Variants in ERCC6L2 observed in about 807,000 individuals in gnomAD.
The protein encoded by ERCC6L2 is DNA excision repair protein ERCC-6-like 2.
ERCC6L2 carries 77 observed loss-of-function variants against 132.0 expected under a neutral mutation model. The ratio of observed to expected loss-of-function variants is 0.58; its 90% confidence interval spans 0.49 to 0.71. ERCC6L2 has a LOEUF of 0.71. Ranked by LOEUF, ERCC6L2 falls within the 30% of genes least tolerant of loss-of-function variation. The probability of loss-of-function intolerance (pLI) is 0.00; values close to 1 mark genes in which losing one functional copy is unlikely to be tolerated. For synonymous variants in ERCC6L2, 583 were observed against 632.4 expected, an observed-to-expected ratio of 0.92 and a Z score of 1.17; for missense variants, 1,542 against 1,837.6, an observed-to-expected ratio of 0.84 and a Z score of 2.94.
chr9:95,931,794 C>T (rs7024395), intron 11 of ERCC6L2, among the ~76,000 whole-genome samples: 6,547 of 147,674 alleles, frequency 0.044, 488 homozygotes, highest in African/African-American at 0.16. Flanking sequence ...TGTGGATCTT[C>T]GTTCATTTTT....
At chr9:95,891,079 G>T (rs1828136198) in intron 2 of ERCC6L2, among the ~76,000 whole-genome samples, 1 of 152,144 alleles carries the variant, frequency 6.6e-6, no homozygotes, top group Admixed American at 6.5e-5. Flanking sequence ...GGGCATGGTG[G>T]CGCATGCCTG....
intron 17 of ERCC6L2, among the ~76,000 whole-genome samples, chr9:95,990,199 G>A (rs1833241985): frequency 6.6e-6 from 1 of 152,220 alleles, no homozygotes; most frequent in Non-Finnish European, 1.5e-5. Context: ...GCAGGTTGAT[G>A]TAATGATTAT....
chr9:95,958,355 C>T (rs1293385347), intron 13 of ERCC6L2, among the ~76,000 whole-genome samples: 2 of 152,056 alleles, frequency 1.3e-5, no homozygotes, highest in African/African-American at 2.4e-5. Flanking sequence ...ATTCATAGTC[C>T]TTTGGGTATA....
intron 12 of ERCC6L2, among the ~76,000 whole-genome samples, chr9:95,945,471 G>T (rs1454354568): frequency 6.6e-6 from 1 of 152,168 alleles, no homozygotes; most frequent in Non-Finnish European, 1.5e-5. Flanking sequence ...ATCCTCCTCA[G>T]CTTATGAAGA....
intron 17 of ERCC6L2, among the ~76,000 whole-genome samples, chr9:96,003,145 A>G (rs1376983760): frequency 6.6e-6 from 1 of 152,164 alleles, no homozygotes; most frequent in Non-Finnish European, 1.5e-5. Context: ...TTGCTTTATT[A>G]TAGGTAATTC....
At chr9:95,876,125 A>G in intron 1 of ERCC6L2, 41 bp downstream of exon 1, 1 of 1,529,094 alleles carries the variant, frequency 6.5e-7, no homozygotes, top group Non-Finnish European at 8.9e-7. Context: ...AGGCCTGTGT[A>G]CTGCGTCGCG....
intron 13 of ERCC6L2, 140 bp downstream of exon 13, chr9:95,956,153 T>C: frequency 2.1e-6 from 1 of 467,820 alleles, no homozygotes; most frequent in Non-Finnish European, 3.7e-6. Flanking sequence ...TACCCTTGAA[T>C]ACACTTTTAT....
intron 13 of ERCC6L2, among the ~76,000 whole-genome samples, chr9:95,962,315 C>T (rs1831944279): frequency 6.6e-6 from 1 of 152,048 alleles, no homozygotes; most frequent in Admixed American, 6.6e-5. Context: ...TGCTCATATA[C>T]TACTGTTGAG....
chr9:96,027,356 G>T (rs886447200), intron 19 of ERCC6L2, among the ~76,000 whole-genome samples: 7 of 152,236 alleles, frequency 4.6e-5, no homozygotes, highest in Non-Finnish European at 7.4e-5. Context: ...AGTGGACACA[G>T]GAGGAGCTGG....
intron 17 of ERCC6L2, among the ~76,000 whole-genome samples, chr9:96,001,828 C>T (rs1371638662): frequency 6.6e-6 from 1 of 152,240 alleles, no homozygotes; most frequent in Non-Finnish European, 1.5e-5. Flanking sequence ...GTGGGAGGCT[C>T]AGGCATGGCG....
downstream of ERCC6L2, chr9:96,021,463 G>A (rs2133250093): frequency 9.9e-6 from 2 of 201,242 alleles, 1 homozygote; most frequent in South Asian, 1.7e-4. This position sits in a 1 kb window ranked among gnomAD's most constrained non-coding sequence, Gnocchi z 4.7. Context: ...GCCCTCTGCG[G>A]GGTCCGCCCC....
At chr9:95,985,259 C>T (rs16910422) in intron 17 of ERCC6L2, among the ~76,000 whole-genome samples, 21,703 of 152,184 alleles carry the variant, frequency 0.14, 1,651 homozygotes, top group Admixed American at 0.19. Context: ...CCATGGGACA[C>T]TCTCATATAC....
intron 19 of ERCC6L2, among the ~76,000 whole-genome samples, chr9:96,034,078 G>C (rs1323662925): frequency 6.6e-6 from 1 of 152,244 alleles, no homozygotes; most frequent in Non-Finnish European, 1.5e-5. Flanking sequence ...CATTCTCCCA[G>C]ATGCCGCCAT....
chr9:95,877,238 C>T (rs1390139982), intron 1 of ERCC6L2: 1 of 152,130 alleles, frequency 6.6e-6, no homozygotes, highest in Non-Finnish European at 1.5e-5. Context: ...AGTTTGGATA[C>T]TGAGAGATTC....
chr9:96,005,929 G>A (rs1045118032), intron 18 of ERCC6L2, among the ~76,000 whole-genome samples: 2 of 152,118 alleles, frequency 1.3e-5, no homozygotes, highest in Non-Finnish European at 2.9e-5. Context: ...GGACTGGTTC[G>A]GGAAAGAAAG....
chr9:96,003,494 G>A (rs1489839787), intron 17 of ERCC6L2, among the ~76,000 whole-genome samples: 1 of 152,186 alleles, frequency 6.6e-6, no homozygotes, highest in African/African-American at 2.4e-5. Flanking sequence ...CCTACTTCTA[G>A]CCTGTGTGCC....
chr9:96,026,151 G>C (rs886758824), intron 19 of ERCC6L2, among the ~76,000 whole-genome samples: 9 of 152,348 alleles, frequency 5.9e-5, no homozygotes, highest in African/African-American at 1.9e-4. Flanking sequence ...AGCCGGCCCG[G>C]GCGGGATGTG....
intron 6 of ERCC6L2, among the ~76,000 whole-genome samples, chr9:95,919,016 A>G (rs748656328): frequency 3.9e-5 from 6 of 152,064 alleles, no homozygotes; most frequent in Non-Finnish European, 8.8e-5. Context: ...CTACAGGCGC[A>G]CGCCACCATG....
At chr9:95,950,090 T>C (rs1400075791) in intron 12 of ERCC6L2, among the ~76,000 whole-genome samples, 1 of 151,702 alleles carries the variant, frequency 6.6e-6, no homozygotes, top group Non-Finnish European at 1.5e-5. Context: ...CTCAAAGTCA[T>C]ACAAAAAGAT....
Sources: allele counts gnomAD v4.1 joint callset (sites outside exome capture counted in the v4.1 genomes callset), GRCh38; gene constraint gnomAD v4.1.1; non-coding constraint Gnocchi (gnomAD v3.1); transcripts MANE v1.5; gene names NCBI Gene and HGNC (gene_info 2026-07-23, HGNC 2026-07-21).